SLC38A1: variants seen among roughly 807,000 people sequenced by gnomAD.
The protein encoded by SLC38A1 is sodium-coupled neutral amino acid symporter 1.
In SLC38A1, 18 loss-of-function variants were observed where a neutral mutation model predicts 60.3. That is an observed-to-expected ratio of 0.30 (90% CI 0.21 to 0.44). The LOEUF is 0.44. Ranked by LOEUF, SLC38A1 falls within the 20% of genes least tolerant of loss-of-function variation. The probability of loss-of-function intolerance (pLI) is 1.00; values close to 1 mark genes in which losing one functional copy is unlikely to be tolerated. For synonymous variants in SLC38A1, 196 were observed against 212.1 expected (o/e 0.92, Z 0.66); for missense variants, 448 against 587.2 (o/e 0.76, Z 2.45).
intron 3 of SLC38A1, among the ~76,000 whole-genome samples, chr12:46,234,023 T>C (rs1359557272): frequency 1.3e-5 from 2 of 152,216 alleles, no homozygotes; most frequent in Non-Finnish European, 2.9e-5. Context: ...CAGTAGGAAT[T>C]CACTTTCCCT....
chr12:46,197,499 T>G, intron 16 of SLC38A1: 1 of 410,162 alleles, frequency 2.4e-6, no homozygotes, highest in Non-Finnish European at 4.3e-6. Flanking sequence ...AGAGTGAGAC[T>G]CCATCTCAAA....
intron 9 of SLC38A1, 100 bp from the exon 10 acceptor site, chr12:46,204,690 C>T: frequency 1.2e-6 from 1 of 819,606 alleles, no homozygotes; most frequent in East Asian, 2.7e-5. Context: ...AATTCATCAC[C>T]TCACTTATTT....
chr12:46,231,186 T>C (rs1311146604), intron 3 of SLC38A1, among the ~76,000 whole-genome samples: 1 of 152,110 alleles, frequency 6.6e-6, no homozygotes, highest in Admixed American at 6.6e-5. Context: ...ATGAAATGAC[T>C]CAGAAACAGA....
chr12:46,214,631 C>T (rs1315945082), intron 5 of SLC38A1, among the ~76,000 whole-genome samples: 2 of 152,096 alleles, frequency 1.3e-5, no homozygotes, highest in African/African-American at 4.8e-5. Context: ...CAAACCTCAC[C>T]CTTTAAATTG....
chr12:46,210,989 T>C (rs955451580), intron 5 of SLC38A1, among the ~76,000 whole-genome samples: 1 of 152,194 alleles, frequency 6.6e-6, no homozygotes, highest in Non-Finnish European at 1.5e-5. Context: ...CCAGTAGTTC[T>C]GAGATACGTA....
At chr12:46,199,689 C>T (rs1364218107) in intron 13 of SLC38A1, among the ~76,000 whole-genome samples, 1 of 152,000 alleles carries the variant, frequency 6.6e-6, no homozygotes, top group Admixed American at 6.6e-5. Context: ...TTTCTCAATC[C>T]AGAACTTCAG....
Position 46,198,759 on chromosome 12 carries a change from A to G in SLC38A1, c.1004-16T>C. 6.6e-7 allele frequency: 1 copy of G among 1,525,806 alleles called. No individual in the cohort carries two copies. Among genetic ancestry groups the G allele is most frequent in the Non-Finnish European group, 9.0e-7 (1 of 1,112,014 alleles). The allele number at this position is 1,525,806 out of a possible 1,614,324, so 94.5% of individuals were successfully genotyped here. A position where few individuals can be genotyped will look rare whatever the true frequency, so the allele number is the denominator to read the frequency against. Reference sequence around the variant, plus strand: ...TGCACGTTGTCTAAAATGAGGGAAAAGCAAGAGGGTTTTAAAAGGAGACAA... The same window carrying G: ...TGCACGTTGTCTAAAATGAGGGAAAGGCAAGAGGGTTTTAAAAGGAGACAA... On this transcript the variant is annotated splice_polypyrimidine_tract_variant and intron_variant, in intron 13 of 16. Coordinates refer to ENST00000398637, the MANE Select transcript of SLC38A1 (RefSeq NM_030674.4).
intron 16 of SLC38A1, among the ~76,000 whole-genome samples, chr12:46,194,769 C>T (rs1199694390): frequency 2.0e-5 from 3 of 152,148 alleles, no homozygotes; most frequent in Non-Finnish European, 4.4e-5. Flanking sequence ...CTGTGGGTTT[C>T]AGCTTCATCA....
chr12:46,259,207 T>A (rs746899806), intron 1 of SLC38A1, among the ~76,000 whole-genome samples: 1 of 152,214 alleles, frequency 6.6e-6, no homozygotes, highest in Non-Finnish European at 1.5e-5. Flanking sequence ...AGGTCAACAA[T>A]GGTTCTATAA....
At position 46,186,528 on chromosome 12, in the gene SLC38A1, G is replaced by A. The variant is rs1938941664; in HGVS notation, c.*2442C>T. 1 of 152,190 alleles carries A rather than the reference G, an allele frequency of 6.6e-6. No homozygotes were observed. Among genetic ancestry groups the A allele is most frequent in the Non-Finnish European group, 1.5e-5 (1 of 68,046 alleles). The allele number at this position is 152,190 out of a possible 1,614,324, so 9.4% of individuals were successfully genotyped here. On this transcript the variant is annotated 3_prime_UTR_variant, in exon 17 of 17. Coordinates refer to ENST00000398637, the MANE Select transcript of SLC38A1 (RefSeq NM_030674.4). ...TTAACTATTCTGAATAAGAATAAGA[G>A]CAGTATACTTTACAGCTAATCTCAC...
rs923163457 is a variant in SLC38A1, at chr12:46,215,566, C to A, written c.315-6439G>T. ...GGGATTACAGGTGCATGCCACCACA[C>A]CCAGCTAATTTTTGTATTTTTTAGT... is the stretch of plus-strand genomic sequence containing the variant. On this transcript the variant is annotated intron_variant, in intron 5 of 16. Transcript: ENST00000398637. Among the ~76,000 whole-genome samples, 5 of 152,132 alleles carry A rather than the reference C, an allele frequency of 3.3e-5. 1 individual carries two copies. Among genetic ancestry groups the A allele is most frequent in the African/African-American group, 1.2e-4 (5 of 41,406 alleles).
At chr12:46,252,688 C>CAT (rs58231001) in intron 1 of SLC38A1, among the ~76,000 whole-genome samples, 5,899 of 150,710 alleles carry the variant, frequency 0.039, 321 homozygotes, top group East Asian at 0.26. Flanking sequence ...GATGATCACT[C>CAT]ATATATATAT....
chr12:46,241,298 T>C (rs1460999857), intron 2 of SLC38A1, among the ~76,000 whole-genome samples: 1 of 152,218 alleles, frequency 6.6e-6, no homozygotes, highest in Non-Finnish European at 1.5e-5. Context: ...AGCATCTTAC[T>C]AATTTCTATT....
intron 15 of SLC38A1, 35 bp downstream of exon 15, chr12:46,197,884 T>C: frequency 1.2e-6 from 2 of 1,609,780 alleles, no homozygotes; most frequent in Non-Finnish European, 1.7e-6. Context: ...AAACAGCTAC[T>C]GTAGAATGAC....
intron 13 of SLC38A1, 53 bp downstream of exon 13, chr12:46,201,038 CTAATTTT>C: frequency 8.3e-7 from 1 of 1,204,432 alleles, no homozygotes. Flanking sequence ...TATTTCAACA[CTAATTTT>C]TACTAATTTG....
intron 6 of SLC38A1, 42 bp from the exon 7 acceptor site, chr12:46,207,663 T>C (rs1939970643): frequency 1.9e-6 from 3 of 1,557,702 alleles, no homozygotes; most frequent in Non-Finnish European, 2.7e-6. Context: ...AATGACAGGG[T>C]TCAGAAAGTT....
chr12:46,198,494 T>C, intron 14 of SLC38A1, 131 bp downstream of exon 14: 2 of 608,192 alleles, frequency 3.3e-6, no homozygotes, highest in Non-Finnish European at 2.8e-6. Flanking sequence ...AGTCTTGGGA[T>C]CTTTCCCAGA....
In SLC38A1 at chr12:46,235,152, G is replaced by A. The variant is rs186056570; in HGVS notation, c.122+4527C>T. On this transcript the variant is annotated intron_variant, in intron 3 of 16. Coordinates refer to ENST00000398637, the MANE Select transcript of SLC38A1 (RefSeq NM_030674.4). ...CTGTTATACTAAGGTACATTGTGAA[G>A]AGAGGCAAGAAACAGAGAGGCAAGA... 2.0e-5 allele frequency among the ~76,000 whole-genome samples: 3 copies of A among 148,270 alleles called. No homozygotes were observed. In the East Asian group the frequency reaches 5.8e-4, roughly 29 times the overall value.
chr12:46,200,758 T>C (rs765637696), intron 13 of SLC38A1, among the ~76,000 whole-genome samples: 1 of 152,208 alleles, frequency 6.6e-6, no homozygotes, highest in Non-Finnish European at 1.5e-5. Context: ...TCCATTCTAT[T>C]AATGGAATCT....
Sources: gnomAD v4.1 joint callset for allele counts (sites outside exome capture counted in the v4.1 genomes callset) on GRCh38, gnomAD v4.1.1 for gene constraint, MANE v1.5 for transcripts, NCBI Gene and HGNC (gene_info 2026-07-23, HGNC 2026-07-21) for gene names.